The following CDKL1 variants were observed in gnomAD, a reference collection of about 807,000 sequenced individuals.
CDKL1 encodes cyclin-dependent kinase-like 1.
Under a neutral mutation model 42.0 loss-of-function variants are expected in CDKL1, and 41 were observed. The observed-to-expected ratio is 0.98, with a 90% CI of 0.76 to 1.27. CDKL1 has a LOEUF of 1.27. Ranked by LOEUF, CDKL1 falls within the 50% of genes most tolerant of loss-of-function variation. The pLI, the probability that CDKL1 is intolerant of heterozygous loss-of-function variation, is 0.00. For missense variants in CDKL1, 394 were observed against 428.4 expected, an observed-to-expected ratio of 0.92 and a Z score of 0.71; for synonymous variants, 153 against 158.6, an observed-to-expected ratio of 0.96 and a Z score of 0.26.
chr14:50,379,435 G>A (rs542263136), intron 2 of CDKL1, among the ~76,000 whole-genome samples: 1 of 152,238 alleles, frequency 6.6e-6, no homozygotes, highest in South Asian at 2.1e-4. Context: ...TCTGTGGGTG[G>A]GGTAGACAGG....
In CDKL1 at chr14:50,326,874, CT is replaced by C; in HGVS notation, c.*3199del. On this transcript the variant is annotated 3_prime_UTR_variant, in exon 10 of 10. Transcript: ENST00000395834. ...TGGGCAACACAGTGAGACCCCATCT[CT>C]AAAAAAATTTTAAAAATTAGGCAGG... 1.9e-6 allele frequency: 1 copy of C among 522,550 alleles called. No individual in the cohort carries two copies. Among genetic ancestry groups the C allele is most frequent in the Non-Finnish European group, 2.5e-6 (1 of 407,622 alleles). 32.4% of individuals were successfully genotyped at this position (522,550 alleles called of 1,614,324 possible). A position where few individuals can be genotyped will look rare whatever the true frequency, so the allele number is the denominator to read the frequency against.
At chr14:50,389,761 C>T (rs1390022393) in intron 2 of CDKL1, among the ~76,000 whole-genome samples, 1 of 152,132 alleles carries the variant, frequency 6.6e-6, no homozygotes, top group Non-Finnish European at 1.5e-5. Context: ...ACAGAAGCCA[C>T]AAATCTCACA....
intron 2 of CDKL1, 50 bp downstream of exon 2, chr14:50,395,651 A>G (rs2035374864): frequency 2.4e-6 from 3 of 1,265,112 alleles, no homozygotes; most frequent in Non-Finnish European, 2.3e-6. Context: ...TGGGAGACAG[A>G]GTGAAACCCT....
At chr14:50,380,927 A>G (rs1372158214) in intron 2 of CDKL1, among the ~76,000 whole-genome samples, 3 of 151,886 alleles carry the variant, frequency 2.0e-5, no homozygotes, top group East Asian at 3.9e-4. Flanking sequence ...TCAGCCTCCC[A>G]AATAGCTGTG....
At chr14:50,368,573 T>G (rs1265159780) in intron 2 of CDKL1, among the ~76,000 whole-genome samples, 1 of 152,158 alleles carries the variant, frequency 6.6e-6, no homozygotes, top group Non-Finnish European at 1.5e-5. Context: ...CTTCTCTCTG[T>G]GTTTCAAATA....
At chr14:50,350,528 T>G (rs1339585534) in intron 3 of CDKL1, among the ~76,000 whole-genome samples, 1 of 152,046 alleles carries the variant, frequency 6.6e-6, no homozygotes, top group African/African-American at 2.4e-5. Flanking sequence ...TGGGATTAGG[T>G]GATTGAACTT....
intron 2 of CDKL1, chr14:50,362,822 A>T (rs1246492441): frequency 3.4e-6 from 1 of 294,846 alleles, no homozygotes; most frequent in East Asian, 8.7e-5. Flanking sequence ...TGGACCAATC[A>T]GCAGGATGTG....
intron 2 of CDKL1, among the ~76,000 whole-genome samples, chr14:50,365,383 A>G (rs2034408309): frequency 6.6e-6 from 1 of 152,220 alleles, no homozygotes; most frequent in African/African-American, 2.4e-5. Context: ...AATAGCTGAT[A>G]ACTTATCTCT....
At chr14:50,337,246 C>T (rs142658764) in intron 7 of CDKL1, among the ~76,000 whole-genome samples, 4,130 of 151,536 alleles carry the variant, frequency 0.027, 160 homozygotes, top group African/African-American at 0.087. Context: ...TGGGCTCAAG[C>T]GATCCACCTG....
chr14:50,355,747 C>T (rs2034036208), intron 3 of CDKL1, among the ~76,000 whole-genome samples: 1 of 152,148 alleles, frequency 6.6e-6, no homozygotes, highest in South Asian at 2.1e-4. Context: ...TGGCAGGCAT[C>T]ATAAAGGAGT....
In CDKL1 at chr14:50,382,191, G is replaced by A. The variant is rs572637015; in HGVS notation, c.168+13510C>T. 1.3e-4 allele frequency among the ~76,000 whole-genome samples: 20 copies of A among 152,304 alleles called. No homozygotes were observed. In the South Asian group the frequency reaches 3.3e-3, roughly 25 times the overall value. ...TTCAAGGCCGGGCGCGGTGGCTGAC[G>A]CCTGTAATCCCAGCACTGTGGGAGG... is the stretch of plus-strand genomic sequence containing the variant. On this transcript the variant is annotated intron_variant, in intron 2 of 9. Coordinates refer to ENST00000395834, the MANE Select transcript of CDKL1 (RefSeq NM_004196.7).
intron 5 of CDKL1, 48 bp from the exon 6 acceptor site, chr14:50,341,280 A>C (rs749622097): frequency 8.4e-6 from 13 of 1,546,182 alleles, no homozygotes; most frequent in Non-Finnish European, 2.6e-6. Context: ...GAAGGCTGGA[A>C]TCAAAACTGA....
At chr14:50,391,677 C>T (rs1736655835) in intron 2 of CDKL1, among the ~76,000 whole-genome samples, 1 of 152,188 alleles carries the variant, frequency 6.6e-6, no homozygotes, top group Non-Finnish European at 1.5e-5. Context: ...GCCACCATGC[C>T]TGGCCTAAAT....
chr14:50,340,795 G>A (rs766708749), intron 6 of CDKL1, among the ~76,000 whole-genome samples: 1 of 152,202 alleles, frequency 6.6e-6, no homozygotes, highest in East Asian at 1.9e-4. Flanking sequence ...GATCCAAACT[G>A]CTCAAGAATC....
intron 2 of CDKL1, among the ~76,000 whole-genome samples, chr14:50,366,519 G>A (rs905846451): frequency 6.6e-6 from 1 of 152,192 alleles, no homozygotes; most frequent in Admixed American, 6.5e-5. Flanking sequence ...GCAATGGGAA[G>A]CCACTGGAAG....
intron 2 of CDKL1, among the ~76,000 whole-genome samples, chr14:50,374,502 T>G (rs1354604710): frequency 6.6e-6 from 1 of 152,166 alleles, no homozygotes; most frequent in Non-Finnish European, 1.5e-5. Flanking sequence ...ATATTACAAA[T>G]GTATGAAACA....
chr14:50,390,462 A>T (rs1470725141), intron 2 of CDKL1: 2 of 1,178,018 alleles, frequency 1.7e-6, no homozygotes, highest in African/African-American at 3.2e-5. Context: ...CCTTAGTAAT[A>T]CAATTATTCT....
At chr14:50,354,733 G>T (rs2034005867) in intron 3 of CDKL1, among the ~76,000 whole-genome samples, 1 of 152,190 alleles carries the variant, frequency 6.6e-6, no homozygotes, top group Non-Finnish European at 1.5e-5. Context: ...GCTTGTGTTA[G>T]TAGCAACATG....
intron 3 of CDKL1, chr14:50,356,924 C>T (rs758225272): frequency 6.6e-6 from 1 of 152,178 alleles, no homozygotes; most frequent in Non-Finnish European, 1.5e-5. Flanking sequence ...ACTGTAATCA[C>T]CCTTTTTATT....
Sources: allele counts gnomAD v4.1 joint callset (sites outside exome capture counted in the v4.1 genomes callset), GRCh38; gene constraint gnomAD v4.1.1; transcripts MANE v1.5; gene names NCBI Gene and HGNC (gene_info 2026-07-23, HGNC 2026-07-21).